RAB3B: variants seen among roughly 807,000 people sequenced by gnomAD.
The protein encoded by RAB3B is ras-related protein Rab-3B.
A neutral mutation model predicts 20.5 loss-of-function variants in RAB3B; 11 were observed. That is an observed-to-expected ratio of 0.54 (90% CI 0.34 to 0.89). The LOEUF is 0.89. RAB3B is among the 40% of genes least tolerant of loss of function. The probability of loss-of-function intolerance (pLI) is 0.02; values close to 1 mark genes in which losing one functional copy is unlikely to be tolerated. For synonymous variants in RAB3B, 99 were observed against 106.3 expected, an observed-to-expected ratio of 0.93 and a Z score of 0.42; for missense variants, 225 against 280.9, an observed-to-expected ratio of 0.80 and a Z score of 1.42.
chr1:51,954,946 G>A (rs760260439), intron 2 of RAB3B, among the ~76,000 whole-genome samples: 7 of 152,236 alleles, frequency 4.6e-5, no homozygotes, highest in Non-Finnish European at 1.0e-4. Context: ...GTGCTTGGAT[G>A]TCGTCCTGAC....
At chr1:51,927,004 A>G (rs1684253587) in intron 4 of RAB3B, among the ~76,000 whole-genome samples, 1 of 152,246 alleles carries the variant, frequency 6.6e-6, no homozygotes, top group East Asian at 1.9e-4. Context: ...CTTCTGTGCT[A>G]GAAGTGACAA....
chr1:51,922,057 T>G (rs193126151), intron 4 of RAB3B, among the ~76,000 whole-genome samples: 1 of 152,286 alleles, frequency 6.6e-6, no homozygotes, highest in African/African-American at 2.4e-5. Context: ...CAGAAGTGCC[T>G]GCTAATTGTG....
At chr1:51,980,715 CAAAGT>C in intron 1 of RAB3B, 1 of 756,196 alleles carries the variant, frequency 1.3e-6, no homozygotes, top group Non-Finnish European at 2.4e-6. Flanking sequence ...CAATTCACAG[CAAAGT>C]AGTCAGGAAT....
chr1:51,957,836 G>T (rs1053225304), intron 2 of RAB3B, among the ~76,000 whole-genome samples: 4 of 152,128 alleles, frequency 2.6e-5, no homozygotes, highest in Non-Finnish European at 5.9e-5. Context: ...GAAATTAAAG[G>T]GCTAATTAAG....
At chr1:51,935,862 AG>A (rs1432802578) in intron 3 of RAB3B, among the ~76,000 whole-genome samples, 2 of 152,140 alleles carry the variant, frequency 1.3e-5, no homozygotes, top group African/African-American at 2.4e-5. Context: ...TTTAAAAGGA[AG>A]GGACAGAAAG....
chr1:51,952,710 A>G (rs995321936), intron 2 of RAB3B, among the ~76,000 whole-genome samples: 4 of 152,208 alleles, frequency 2.6e-5, no homozygotes, highest in Admixed American at 6.5e-5. Context: ...AATGAAGAAA[A>G]AAGATAAAAA....
At chr1:51,933,274 T>C in intron 4 of RAB3B, 44 bp downstream of exon 4, 2 of 1,601,250 alleles carry the variant, frequency 1.2e-6, no homozygotes, top group Non-Finnish European at 1.7e-6. Flanking sequence ...CTCATGAGCA[T>C]GTGTACAAAT....
chr1:51,907,971 C>G lies in RAB3B; in HGVS notation c.*11956G>C, dbSNP rs1490004562. On this transcript the variant is annotated 3_prime_UTR_variant, in exon 5 of 5. Coordinates refer to ENST00000371655, the MANE Select transcript of RAB3B (RefSeq NM_002867.4). ...ACAAATGATACACAATTCAGAAGAA[C>G]TTTAATGCATATACCATCATTGCCA... 2.6e-5 allele frequency: 4 copies of G among 152,102 alleles called. No homozygotes were observed. The highest frequency in any genetic ancestry group is 6.6e-5 in the Admixed American group (1 of 15,240). The allele number at this position is 152,102 out of a possible 1,614,324, so 9.4% of individuals were successfully genotyped here. A position where few individuals can be genotyped will look rare whatever the true frequency, so the allele number is the denominator to read the frequency against.
At chr1:51,920,901 C>T (rs1213808295) in intron 4 of RAB3B, among the ~76,000 whole-genome samples, 2 of 152,134 alleles carry the variant, frequency 1.3e-5, no homozygotes, top group Admixed American at 6.5e-5. Context: ...CCCTGAATTC[C>T]ACTAAAACGA....
At chr1:51,925,820 T>C (rs2124238307) in intron 4 of RAB3B, among the ~76,000 whole-genome samples, 1 of 152,330 alleles carries the variant, frequency 6.6e-6, no homozygotes, top group Non-Finnish European at 1.5e-5. Flanking sequence ...CCAGAAGGAA[T>C]TGCTTATATA....
At chr1:51,971,493 C>T (rs912695680) in intron 2 of RAB3B, among the ~76,000 whole-genome samples, 1 of 149,638 alleles carries the variant, frequency 6.7e-6, no homozygotes, top group Non-Finnish European at 1.5e-5. Context: ...AGTGCAATGG[C>T]GCAATCTTGG....
chr1:51,922,305 G>A (rs1193560641), intron 4 of RAB3B, among the ~76,000 whole-genome samples: 1 of 152,178 alleles, frequency 6.6e-6, no homozygotes. Context: ...CAGCTCAGAT[G>A]AAGATGAGGA....
At chr1:51,967,611 TC>T (rs1208431808) in intron 2 of RAB3B, among the ~76,000 whole-genome samples, 20 of 144,440 alleles carry the variant, frequency 1.4e-4, no homozygotes. Flanking sequence ...AGCCTTGACC[TC>T]CCAGGCTCAA....
chr1:51,957,057 T>C (rs1684716685), intron 2 of RAB3B, among the ~76,000 whole-genome samples: 1 of 151,960 alleles, frequency 6.6e-6, no homozygotes, highest in Non-Finnish European at 1.5e-5. Flanking sequence ...ATGTAAAGTC[T>C]ATATAAACTC....
At chr1:51,951,894 G>A (rs1472708141) in intron 2 of RAB3B, among the ~76,000 whole-genome samples, 1 of 152,188 alleles carries the variant, frequency 6.6e-6, no homozygotes, top group East Asian at 1.9e-4. Context: ...GGGTAGAAAA[G>A]AAGTCACTGG....
intron 2 of RAB3B, among the ~76,000 whole-genome samples, chr1:51,949,595 C>G (rs1302843447): frequency 6.6e-6 from 1 of 152,228 alleles, no homozygotes; most frequent in Non-Finnish European, 1.5e-5. Context: ...GTGGCTTGAC[C>G]AGGCATGTCA....
intron 4 of RAB3B, among the ~76,000 whole-genome samples, chr1:51,927,240 G>T (rs936015019): frequency 5.9e-5 from 9 of 152,108 alleles, no homozygotes; most frequent in Non-Finnish European, 4.4e-5. Flanking sequence ...TCATGAATGC[G>T]GAATTGGGTA....
At chr1:51,952,358 T>C (rs1188357678) in intron 2 of RAB3B, among the ~76,000 whole-genome samples, 1 of 152,214 alleles carries the variant, frequency 6.6e-6, no homozygotes, top group Non-Finnish European at 1.5e-5. Context: ...CTCATGGATA[T>C]AGCTATTGAT....
intron 1 of RAB3B, among the ~76,000 whole-genome samples, chr1:51,981,597 A>C (rs1207349222): frequency 6.6e-6 from 1 of 152,252 alleles, no homozygotes; most frequent in Non-Finnish European, 1.5e-5. Flanking sequence ...CATCATATGT[A>C]CAAGGTATAG....
Sources: allele counts gnomAD v4.1 joint callset (sites outside exome capture counted in the v4.1 genomes callset), GRCh38; gene constraint gnomAD v4.1.1; transcripts MANE v1.5; gene names NCBI Gene and HGNC (gene_info 2026-07-23, HGNC 2026-07-21).